Variants in KCNH1 observed in about 807,000 individuals in gnomAD.
KCNH1 encodes the protein voltage-gated delayed rectifier potassium channel KCNH1.
In KCNH1, 27 loss-of-function variants were observed where a neutral mutation model predicts 69.2. The ratio of observed to expected loss-of-function variants is 0.39; its 90% CI spans 0.29 to 0.54. The LOEUF is 0.54. KCNH1 is among the 20% of genes least tolerant of loss of function. The probability of loss-of-function intolerance (pLI) is 0.68; values close to 1 mark genes in which losing one functional copy is unlikely to be tolerated. For missense variants in KCNH1, 798 were observed against 1,261.6 expected, an observed-to-expected ratio of 0.63 and a Z score of 5.57; for synonymous variants, 456 against 487.7, an observed-to-expected ratio of 0.93 and a Z score of 0.86.
At chr1:211,053,206 C>T (rs1044460339) in intron 5 of KCNH1, among the ~76,000 whole-genome samples, 1 of 152,208 alleles carries the variant, frequency 6.6e-6, no homozygotes. Flanking sequence ...TCACATCCTG[C>T]CTCCTTACTT....
At chr1:211,086,625 C>A (rs558452015) in intron 4 of KCNH1, among the ~76,000 whole-genome samples, 14 of 152,242 alleles carry the variant, frequency 9.2e-5, no homozygotes, top group African/African-American at 3.4e-4. Context: ...TTTCTCCATT[C>A]TCAGGAATGG....
chr1:210,789,421 C>T (rs1462343900), intron 9 of KCNH1, among the ~76,000 whole-genome samples: 1 of 152,110 alleles, frequency 6.6e-6, no homozygotes, highest in Non-Finnish European at 1.5e-5. Context: ...TCCAAGAATG[C>T]TTAGAGGGAG....
chr1:210,682,655 T>C lies in KCNH1; in HGVS notation c.*626A>G, dbSNP rs1365339555. 6.6e-6 allele frequency: 1 copy of C among 152,466 alleles called. No homozygotes were observed. Among genetic ancestry groups the C allele is most frequent in the East Asian group, 1.9e-4 (1 of 5,196 alleles). The allele number at this position is 152,466 out of a possible 1,614,324, so 9.4% of individuals were successfully genotyped here. A position where few individuals can be genotyped will look rare whatever the true frequency, so the allele number is the denominator to read the frequency against. The stretch of plus-strand genomic sequence containing the variant: ...GGAAGGAGACCTGAGGATTCCCAGC[T>C]TCAAGTGTCTATGGGAGGCATGCAC... On this transcript the variant is annotated 3_prime_UTR_variant, in exon 11 of 11. Transcript: ENST00000271751.
chr1:210,989,763 A>T (rs1688906290), intron 6 of KCNH1, among the ~76,000 whole-genome samples: 1 of 152,228 alleles, frequency 6.6e-6, no homozygotes, highest in South Asian at 2.1e-4. Context: ...CTGTGCCTAG[A>T]GAGAGTTCCA....
chr1:211,103,625 A>C (rs1691301170), intron 2 of KCNH1, 23 bp from the exon 3 acceptor site: 2 of 1,450,386 alleles, frequency 1.4e-6, no homozygotes, highest in Non-Finnish European at 1.9e-6. Context: ...AAAGAACTCA[A>C]GTTAGATTAA....
At chr1:210,907,279 A>G (rs1017491872) in intron 7 of KCNH1, among the ~76,000 whole-genome samples, 6 of 152,158 alleles carry the variant, frequency 3.9e-5, no homozygotes, top group Non-Finnish European at 8.8e-5. Flanking sequence ...AGTGCCAAGA[A>G]ATTGTACCCA....
rs141362949 is a variant in KCNH1, at chr1:210,881,487, A to T, written c.1462+38153T>A. On this transcript the variant is annotated intron_variant, in intron 7 of 10. Transcript: ENST00000271751. The stretch of plus-strand genomic sequence containing the variant: ...TTGTTACAATATTAAACATACTCTT[A>T]CTATACAATCCAGCAATCCTACTAC... Among the ~76,000 whole-genome samples, 198 of 152,280 alleles carry T rather than the reference A, an allele frequency of 1.3e-3. 1 individual carries two copies. The highest frequency in any genetic ancestry group is 4.6e-3 in the African/African-American group (190 of 41,568).
Position 210,992,208 on chromosome 1 carries a change from T to C in KCNH1, c.1032+26575A>G, listed in dbSNP as rs561486892. Among the ~76,000 whole-genome samples the C allele has an allele frequency of 3.9e-5, 6 of 152,306 alleles. No individual in the cohort carries two copies. In the South Asian group the frequency reaches 8.3e-4, roughly 21 times the overall value. On this transcript the variant is annotated intron_variant, in intron 6 of 10. Transcript: ENST00000271751. ...GATGAGAACACCGCAATTCAGAGGA[T>C]AACCAATATCTGTAATCTATAAGTA...
chr1:210,977,418 T>C (rs1462493096), intron 6 of KCNH1, among the ~76,000 whole-genome samples: 1 of 151,916 alleles, frequency 6.6e-6, no homozygotes, highest in East Asian at 1.9e-4. Context: ...CGTTGTGCAC[T>C]TGTACCCTAG....
chr1:210,792,892 G>A (rs1167072390), intron 9 of KCNH1, among the ~76,000 whole-genome samples: 1 of 152,112 alleles, frequency 6.6e-6, no homozygotes, highest in Non-Finnish European at 1.5e-5. Flanking sequence ...GCTAGTCCAT[G>A]ACTCATCTAT....
chr1:210,856,103 T>C (rs1429818411), intron 7 of KCNH1, among the ~76,000 whole-genome samples: 2 of 152,152 alleles, frequency 1.3e-5, no homozygotes, highest in Non-Finnish European at 2.9e-5. Flanking sequence ...GAGCCTGTTA[T>C]AGAAAAAGAG....
At chr1:210,722,013 C>A (rs915686733) in intron 10 of KCNH1, among the ~76,000 whole-genome samples, 2 of 152,156 alleles carry the variant, frequency 1.3e-5, no homozygotes, top group African/African-American at 4.8e-5. Context: ...CACTGCCAAT[C>A]AATCCACCAG....
intron 9 of KCNH1, among the ~76,000 whole-genome samples, chr1:210,797,057 A>G (rs1282050870): frequency 1.3e-5 from 2 of 152,128 alleles, no homozygotes; most frequent in African/African-American, 4.8e-5. Flanking sequence ...GTAGTTCCCC[A>G]AATGAGTCAT....
At chr1:210,844,394 A>G (rs1333264085) in intron 7 of KCNH1, among the ~76,000 whole-genome samples, 3 of 152,196 alleles carry the variant, frequency 2.0e-5, no homozygotes, top group African/African-American at 7.2e-5. Context: ...ACCACAGTGC[A>G]CTCAAACTAG....
chr1:210,915,240 T>C (rs1047492335), intron 7 of KCNH1, among the ~76,000 whole-genome samples: 3 of 152,160 alleles, frequency 2.0e-5, no homozygotes, highest in African/African-American at 7.2e-5. Context: ...ACAGGGTCTG[T>C]CTCTGTCCTT....
intron 6 of KCNH1, among the ~76,000 whole-genome samples, chr1:210,953,274 T>C (rs1024006375): frequency 1.3e-5 from 2 of 152,184 alleles, no homozygotes; most frequent in Non-Finnish European, 2.9e-5. Flanking sequence ...GACCATTTTC[T>C]GGAAATACAA....
rs1333744035 is a variant in KCNH1, at chr1:211,100,839, A to C, written c.310+2657T>G. ...GTGTGATCTGTGGACTAGCAGCATC[A>C]GCATCACCTGGAAGCAGAACCTCAG... On this transcript the variant is annotated intron_variant, in intron 3 of 10. Transcript: ENST00000271751. Among the ~76,000 whole-genome samples the C allele has an allele frequency of 1.8e-4, 28 of 152,226 alleles. 1 individual carries two copies. Among genetic ancestry groups the C allele is most frequent in the Admixed American group, 1.8e-3 (28 of 15,292 alleles).
At chr1:210,963,908 CA>C (rs1459029697) in intron 6 of KCNH1, among the ~76,000 whole-genome samples, 1 of 152,162 alleles carries the variant, frequency 6.6e-6, no homozygotes, top group East Asian at 1.9e-4. Context: ...TAGAGCAAGA[CA>C]GGCCAACATT....
chr1:210,899,917 G>T (rs1686957990), intron 7 of KCNH1, among the ~76,000 whole-genome samples: 1 of 151,906 alleles, frequency 6.6e-6, no homozygotes, highest in Admixed American at 6.6e-5. Flanking sequence ...ATACCACAAA[G>T]GTACATATTA....
Sources: gnomAD v4.1 joint callset for allele counts (sites outside exome capture counted in the v4.1 genomes callset) on GRCh38, gnomAD v4.1.1 for gene constraint, MANE v1.5 for transcripts, NCBI Gene and HGNC (gene_info 2026-07-23, HGNC 2026-07-21) for gene names.